Variants in IGSF10 observed in about 807,000 individuals in gnomAD.
The protein encoded by IGSF10 is calvaria mechanical force protein 608.
In IGSF10, 126 loss-of-function variants were observed where a neutral mutation model predicts 128.2. The observed-to-expected ratio is 0.98, with a 90% CI of 0.85 to 1.14. IGSF10 has a LOEUF of 1.14. Among genes scored for constraint, IGSF10 ranks in the 50% most tolerant of loss-of-function variants. The probability of loss-of-function intolerance (pLI) is 0.00; values close to 1 mark genes in which losing one functional copy is unlikely to be tolerated. For synonymous variants in IGSF10, 1,185 were observed against 1,146.2 expected (o/e 1.03, Z -0.68); for missense variants, 3,295 against 3,149.8 (o/e 1.05, Z -1.10).
chr3:151,468,744 T>A, the IGSF10 span, among the ~76,000 whole-genome samples: 2 of 152,218 alleles, frequency 1.3e-5, no homozygotes, highest in East Asian at 3.8e-4. Context: ...ATTTTTAAAA[T>A]TTATTTTACG....
the IGSF10 span, among the ~76,000 whole-genome samples, chr3:151,547,557 A>G: frequency 6.6e-6 from 1 of 152,074 alleles, no homozygotes; most frequent in Non-Finnish European, 1.5e-5. Flanking sequence ...AGCTTCTCCT[A>G]GAGCCTGGAC....
the IGSF10 span, among the ~76,000 whole-genome samples, chr3:151,574,727 G>A: frequency 1.3e-5 from 2 of 152,152 alleles, no homozygotes; most frequent in Non-Finnish European, 2.9e-5. Context: ...CTGTCAGCTC[G>A]TCAAAGTCAT....
Position 151,443,373 on chromosome 3 carries a change from T to G in IGSF10, c.5574A>C (p.Glu1858Asp), listed in dbSNP as rs754510197. 29 of 1,614,202 alleles carry G rather than the reference T, an allele frequency of 1.8e-5. No individual in the cohort carries two copies. The highest frequency in any genetic ancestry group is 2.5e-5 in the Non-Finnish European group (29 of 1,180,038). ...RRQVIVGTWG[E>D]SLKLPCTAKG... is the part of the protein sequence containing the mutation. ...TTGCAGTACAGGGCAGTTTTAAACT[T>G]TCACCCCAAGTGCCTACAATGACTT... Residue 1858 changes from glutamate to aspartate, a missense_variant, in exon 7 of 8, where the codon GAA becomes GAC. Glu to Asp is a conservative substitution (Grantham distance 45, BLOSUM62 2). Coordinates refer to ENST00000282466, the MANE Select transcript of IGSF10 (RefSeq NM_178822.5).
At chr3:151,486,670 G>A in the IGSF10 span, among the ~76,000 whole-genome samples, 86 of 152,148 alleles carry the variant, frequency 5.7e-4, 1 homozygote, top group African/African-American at 1.9e-3. Flanking sequence ...ACTCAAAACC[G>A]CACAGCTACA....
At chr3:151,442,955 A>AT in intron 7 of IGSF10, 29 bp downstream of exon 7, 1 of 1,580,182 alleles carries the variant, frequency 6.3e-7, no homozygotes, top group Non-Finnish European at 8.6e-7. Flanking sequence ...CATAAAGCAG[A>AT]TAATTCCAAC....
Position 151,437,221 on chromosome 3 carries a change from C to CCACTGATG in IGSF10, c.7332_7339dup (p.Gly2447AlafsTer30). On this transcript the variant is annotated frameshift_variant, in exon 8 of 8. Transcript: ENST00000282466. LOFTEE classifies it low-confidence loss of function (END_TRUNC). ...CACACAATGCAGTGATAGAGATTCT[C>CCACTGATG]CACTGATGCCTTTTACTGTCCCTGG... 6.2e-7 allele frequency: 1 copy of CCACTGATG among 1,614,186 alleles called. No individual in the cohort carries two copies. Among genetic ancestry groups the CCACTGATG allele is most frequent in the Non-Finnish European group, 8.5e-7 (1 of 1,180,022 alleles).
At position 151,438,006 on chromosome 3, in the gene IGSF10, G is replaced by T; in HGVS notation, c.6555C>A (p.Phe2185Leu). The change falls in exon 8 of 8, where the codon TTC becomes TTA. Residue 2185 changes from phenylalanine to leucine, a missense_variant. Phe to Leu is a conservative substitution (Grantham distance 22). Transcript: ENST00000282466. ...WLLPSNDMIS[F>L]SIDRYTFHAN... ...CATGAAATGTGTACCTATCAATGGA[G>T]AAGGAAATCATGTCATTGGAAGGCA... The T allele has an allele frequency of 1.2e-6, 2 of 1,614,220 alleles. No homozygotes were observed. The highest frequency in any genetic ancestry group is 1.7e-6 in the Non-Finnish European group (2 of 1,180,024).
chr3:151,582,898 T>TA, the IGSF10 span, among the ~76,000 whole-genome samples: 76 of 152,356 alleles, frequency 5.0e-4, no homozygotes, highest in African/African-American at 1.8e-3. Flanking sequence ...ATCAGTTTAA[T>TA]AAAATTCCCT....
chr3:151,509,643 G>A, the IGSF10 span, among the ~76,000 whole-genome samples: 1 of 152,226 alleles, frequency 6.6e-6, no homozygotes. Flanking sequence ...GACAGCGGGT[G>A]CAGCGCACCG....
At chr3:151,507,463 G>A in the IGSF10 span, among the ~76,000 whole-genome samples, 78 of 152,072 alleles carry the variant, frequency 5.1e-4, no homozygotes, top group African/African-American at 1.8e-3. Flanking sequence ...TATTGTATTC[G>A]TCCAATCTCA....
At chr3:151,514,663 C>T in the IGSF10 span, among the ~76,000 whole-genome samples, 4 of 152,086 alleles carry the variant, frequency 2.6e-5, no homozygotes, top group Non-Finnish European at 5.9e-5. Flanking sequence ...AAGAAACCAC[C>T]GTCAGAGTGA....
At chr3:151,476,329 G>A in the IGSF10 span, among the ~76,000 whole-genome samples, 7 of 152,028 alleles carry the variant, frequency 4.6e-5, no homozygotes, top group African/African-American at 9.7e-5. Flanking sequence ...CAGACAACAC[G>A]AATAGGTGTG....
rs758107606 is a variant in IGSF10, at chr3:151,437,127, T to C, written c.7434A>G (p.Gln2478=). Residue 2478 remains glutamine (Q), a synonymous_variant, in exon 8 of 8, where the codon CAA becomes CAG. Transcript: ENST00000282466. Reference sequence around the variant, plus strand: ...CATGCAATATGTATTTCCCATTAATTTGAGGCCTGTCTACTACATAACCAC... The same window carrying C: ...CATGCAATATGTATTTCCCATTAATCTGAGGCCTGTCTACTACATAACCAC... ...MPSGYVVDRP[Q]INGKYILHDN... 1.9e-6 allele frequency: 3 copies of C among 1,614,226 alleles called. No homozygotes were observed. The highest frequency in any genetic ancestry group is 2.5e-6 in the Non-Finnish European group (3 of 1,180,028).
At chr3:151,458,380 C>T (rs1022670193) in intron 3 of IGSF10, 136 bp downstream of exon 3, 1 of 633,308 alleles carries the variant, frequency 1.6e-6, no homozygotes, top group Non-Finnish European at 2.4e-6. Context: ...AAACAAAATT[C>T]TCATGAGCTC....
chr3:151,556,446 T>TTA, the IGSF10 span, among the ~76,000 whole-genome samples: 1 of 152,148 alleles, frequency 6.6e-6, no homozygotes, highest in South Asian at 2.1e-4. Context: ...AAAGGTTATG[T>TTA]TATGGAACAG....
At chr3:151,573,331 T>C in the IGSF10 span, among the ~76,000 whole-genome samples, 1 of 152,194 alleles carries the variant, frequency 6.6e-6, no homozygotes, top group South Asian at 2.1e-4. Context: ...AGTGGGGTAT[T>C]AAAGTCTCGC....
the IGSF10 span, among the ~76,000 whole-genome samples, chr3:151,469,121 C>G: frequency 9.8e-5 from 15 of 152,304 alleles, no homozygotes; most frequent in African/African-American, 3.4e-4. Flanking sequence ...ACCACAGTTT[C>G]TTTATTCATT....
chr3:151,476,022 T>C, the IGSF10 span: 1 of 152,230 alleles, frequency 6.6e-6, no homozygotes, highest in African/African-American at 2.4e-5. Context: ...AGTCATCTGG[T>C]GGAGAAGACT....
At chr3:151,481,664 T>C in the IGSF10 span, among the ~76,000 whole-genome samples, 12 of 152,266 alleles carry the variant, frequency 7.9e-5, 1 homozygote, top group African/African-American at 2.6e-4. Context: ...GCAATAGTTT[T>C]GTAAGACCTT....
Sources: gnomAD v4.1 joint callset for allele counts (sites outside exome capture counted in the v4.1 genomes callset) on GRCh38, gnomAD v4.1.1 for gene constraint, MANE v1.5 for transcripts, NCBI Gene and HGNC (gene_info 2026-07-23, HGNC 2026-07-21) for gene names.